RANBP2: variants seen among roughly 807,000 people sequenced by gnomAD.
The protein encoded by RANBP2 is E3 SUMO-protein ligase RanBP2.
A neutral mutation model predicts 303.6 loss-of-function variants in RANBP2; 57 were observed. The ratio of observed to expected loss-of-function variants is 0.19; its 90% CI spans 0.15 to 0.23. RANBP2 has a LOEUF of 0.23. Among genes scored for constraint, RANBP2 ranks in the 10% least tolerant of loss-of-function variants. The pLI, the probability that RANBP2 is intolerant of heterozygous loss-of-function variation, is 1.00. For missense variants in RANBP2, 3,138 were observed against 3,780.8 expected, an observed-to-expected ratio of 0.83 and a Z score of 4.46; for synonymous variants, 1,167 against 1,301.5, an observed-to-expected ratio of 0.90 and a Z score of 2.23.
the RANBP2 span, among the ~76,000 whole-genome samples, chr2:108,794,908 A>G: frequency 2.0e-5 from 3 of 152,330 alleles, no homozygotes; most frequent in East Asian, 3.9e-4. Context: ...CTGAGAGAAA[A>G]TAGAGACAGT....
chr2:108,932,528 C>CAAAAAAAAAAAAAAAAAA, the RANBP2 span, among the ~76,000 whole-genome samples: 4 of 39,158 alleles, frequency 1.0e-4, no homozygotes, highest in African/African-American at 4.0e-4. Context: ...GACTCTGTCT[C>CAAAAAAAAAAAAAAAAAA]AAAAAAAAAA....
At chr2:108,761,814 A>G (rs572987486) in intron 18 of RANBP2, among the ~76,000 whole-genome samples, 8 of 152,264 alleles carry the variant, frequency 5.3e-5, no homozygotes, top group African/African-American at 1.2e-4. Context: ...AGAAAAGGCA[A>G]CAGTTACTTT....
chr2:108,918,499 G>C, the RANBP2 span, among the ~76,000 whole-genome samples: 2 of 152,198 alleles, frequency 1.3e-5, no homozygotes, highest in African/African-American at 2.4e-5. Flanking sequence ...AATAAGCAAG[G>C]CTGGGGTGTT....
the RANBP2 span, among the ~76,000 whole-genome samples, chr2:109,562,099 G>A: frequency 6.6e-6 from 1 of 151,968 alleles, no homozygotes; most frequent in Admixed American, 6.6e-5. Context: ...TATAGTCCCA[G>A]CTACTCAGGA....
At chr2:108,741,959 AT>A (rs1331945150) in intron 7 of RANBP2, among the ~76,000 whole-genome samples, 2 of 151,738 alleles carry the variant, frequency 1.3e-5, no homozygotes, top group Non-Finnish European at 2.9e-5. Context: ...GAAAAAAAGG[AT>A]TCATTACTTT....
the RANBP2 span, among the ~76,000 whole-genome samples, chr2:109,499,620 G>A: frequency 6.6e-6 from 1 of 152,168 alleles, no homozygotes; most frequent in Non-Finnish European, 1.5e-5. Context: ...AAGCATAAGG[G>A]CCGAGGGCAC....
At chr2:109,708,422 C>G in the RANBP2 span, among the ~76,000 whole-genome samples, 1 of 151,870 alleles carries the variant, frequency 6.6e-6, no homozygotes, top group Admixed American at 6.6e-5. Flanking sequence ...CTTTAGAAGG[C>G]AGAGGTGGGC....
chr2:108,929,393 G>C, the RANBP2 span: 1 of 1,613,796 alleles, frequency 6.2e-7, no homozygotes, highest in Non-Finnish European at 8.5e-7. Flanking sequence ...TCCAGGGAAA[G>C]AGGACAGGGG....
chr2:109,138,743 G>A, the RANBP2 span, among the ~76,000 whole-genome samples: 1 of 152,358 alleles, frequency 6.6e-6, no homozygotes, highest in African/African-American at 2.4e-5. Flanking sequence ...CTGTGGAGCT[G>A]TCACCATGGC....
the RANBP2 span, among the ~76,000 whole-genome samples, chr2:109,312,065 G>A: frequency 6.6e-6 from 1 of 152,168 alleles, no homozygotes; most frequent in Non-Finnish European, 1.5e-5. Flanking sequence ...TAGACTAGGG[G>A]AACCTTGGTG....
chr2:109,404,776 G>A, the RANBP2 span, among the ~76,000 whole-genome samples: 9 of 152,116 alleles, frequency 5.9e-5, no homozygotes, highest in East Asian at 3.9e-4. Context: ...TCTGCAGTCC[G>A]ATCTTGCCCA....
At chr2:108,786,767 C>T (rs1013382978), downstream of RANBP2, 269 of 1,484,758 alleles carry the variant, frequency 1.8e-4, no homozygotes, top group African/African-American at 2.6e-4. Flanking sequence ...GGCCGCGTAG[C>T]GCCGCGGGTT....
chr2:109,601,633 G>T, the RANBP2 span, among the ~76,000 whole-genome samples: 1 of 152,070 alleles, frequency 6.6e-6, no homozygotes, highest in East Asian at 1.9e-4. Flanking sequence ...TGCTTGTCAT[G>T]TGTATCATAA....
At chr2:109,612,667 G>T in the RANBP2 span, among the ~76,000 whole-genome samples, 2 of 152,128 alleles carry the variant, frequency 1.3e-5, no homozygotes, top group South Asian at 2.1e-4. Flanking sequence ...ATGAATCAAA[G>T]AATTTATAAA....
chr2:109,499,329 G>A, the RANBP2 span, among the ~76,000 whole-genome samples: 11 of 152,350 alleles, frequency 7.2e-5, no homozygotes, highest in African/African-American at 1.9e-4. Context: ...GGGTGTCTGA[G>A]GGACCGTCAG....
At chr2:109,426,980 T>TATA in the RANBP2 span, among the ~76,000 whole-genome samples, 31 of 41,752 alleles carry the variant, frequency 7.4e-4, no homozygotes, top group African/African-American at 2.5e-3. Context: ...ATATATATAT[T>TATA]TTTTTTTGAG....
chr2:109,442,075 G>A, the RANBP2 span, among the ~76,000 whole-genome samples: 3 of 152,152 alleles, frequency 2.0e-5, no homozygotes, highest in African/African-American at 7.2e-5. Flanking sequence ...ACTTTGGGAG[G>A]CTGAGACGGG....
At chr2:109,618,728 G>A in the RANBP2 span, 1 of 166,978 alleles carries the variant, frequency 6.0e-6, no homozygotes, top group African/African-American at 2.4e-5. Flanking sequence ...ATTGATATGA[G>A]ACTATGTGGT....
chr2:108,791,130 A>G, the RANBP2 span, among the ~76,000 whole-genome samples: 12 of 152,154 alleles, frequency 7.9e-5, no homozygotes, highest in African/African-American at 2.9e-4. Flanking sequence ...ATATTAACTA[A>G]TATTTTTAAA....
Sources: allele counts gnomAD v4.1 joint callset (sites outside exome capture counted in the v4.1 genomes callset), GRCh38; gene constraint gnomAD v4.1.1; transcripts MANE v1.5; gene names NCBI Gene and HGNC (gene_info 2026-07-23, HGNC 2026-07-21).